The following ATP11C variants were observed in gnomAD, a reference collection of about 807,000 sequenced individuals.
The protein encoded by ATP11C is phospholipid-transporting ATPase IG.
A neutral mutation model predicts 97.4 loss-of-function variants in ATP11C; 36 were observed. The ratio of observed to expected loss-of-function variants is 0.37; its 90% CI spans 0.28 to 0.49. ATP11C has a LOEUF of 0.49. Among genes scored for constraint, ATP11C ranks in the 20% least tolerant of loss-of-function variants. The pLI is 0.98. For synonymous variants in ATP11C, 275 were observed against 290.9 expected (o/e 0.95, Z 0.56); for missense variants, 730 against 824.6 (o/e 0.89, Z 1.40).
intron 25 of ATP11C, among the ~76,000 whole-genome samples, chrX:139,744,045 T>C (rs1038229598): frequency 9.0e-6 from 1 of 111,386 alleles, no homozygotes; most frequent in African/African-American, 3.3e-5. Context: ...TATAGACAAA[T>C]GGATTCACAT....
At chrX:139,814,728 T>C (rs756134887) in intron 5 of ATP11C, 150 bp downstream of exon 5, 3 of 364,670 alleles carry the variant, frequency 8.2e-6, no homozygotes, top group African/African-American at 8.1e-5. Context: ...CTTATGGGTA[T>C]AGGGTTTCCT....
intron 1 of ATP11C, among the ~76,000 whole-genome samples, chrX:139,859,765 T>A (rs907024919): frequency 2.7e-5 from 3 of 112,060 alleles, no homozygotes; most frequent in Non-Finnish European, 3.8e-5. Flanking sequence ...GCCAGAAGGG[T>A]ATATAAATGC....
At chrX:139,814,244 C>CAA (rs1358800038) in intron 5 of ATP11C, among the ~76,000 whole-genome samples, 30 of 102,681 alleles carry the variant, frequency 2.9e-4, no homozygotes, top group Admixed American at 2.8e-3. Context: ...CTGAGATTGT[C>CAA]AAAAAAAAAA....
At chrX:139,807,336 AC>A (rs2083066591) in intron 5 of ATP11C, among the ~76,000 whole-genome samples, 1 of 111,233 alleles carries the variant, frequency 9.0e-6, no homozygotes, top group South Asian at 3.8e-4. Flanking sequence ...GCATTCTACC[AC>A]TTAAGGAATT....
chrX:139,935,886 A>G (rs372885459), upstream of ATP11C, among the ~76,000 whole-genome samples: 305 of 110,356 alleles, frequency 2.8e-3, 2 homozygotes, highest in Middle Eastern at 9.4e-3. Flanking sequence ...GCTACTCGGG[A>G]TCGGGAGGCT....
At chrX:139,822,155 T>C (rs1193687264) in intron 2 of ATP11C, among the ~76,000 whole-genome samples, 1 of 112,279 alleles carries the variant, frequency 8.9e-6, no homozygotes, top group South Asian at 3.6e-4. Flanking sequence ...GAGAATTCAG[T>C]TTTTGTTACA....
intron 23 of ATP11C, among the ~76,000 whole-genome samples, chrX:139,754,722 C>T (rs1187667132): frequency 1.8e-5 from 2 of 112,272 alleles, no homozygotes; most frequent in East Asian, 5.6e-4. Context: ...TGTGATTTAT[C>T]ACATAAACAG....
intron 1 of ATP11C, among the ~76,000 whole-genome samples, chrX:139,902,679 C>G (rs973868948): frequency 4.5e-5 from 5 of 111,256 alleles, no homozygotes; most frequent in African/African-American, 1.6e-4. Flanking sequence ...TTGGGGCTAA[C>G]TGTGATTGCA....
chrX:139,926,138 G>GAAAGGAAAT (rs2085348395), intron 1 of ATP11C, among the ~76,000 whole-genome samples: 1 of 110,633 alleles, frequency 9.0e-6, no homozygotes, highest in Non-Finnish European at 1.9e-5. Flanking sequence ...AATGTTAAGT[G>GAAAGGAAAT]AAAGGAAATA....
chrX:139,900,367 C>CAA (rs34007097), intron 1 of ATP11C, among the ~76,000 whole-genome samples: 633 of 35,791 alleles, frequency 0.018, 27 homozygotes, highest in African/African-American at 0.039. Context: ...GACTCCGTCT[C>CAA]AAAAAAAAAA....
At chrX:139,916,176 C>T (rs1278386405) in intron 1 of ATP11C, among the ~76,000 whole-genome samples, 1 of 106,692 alleles carries the variant, frequency 9.4e-6, no homozygotes, top group Non-Finnish European at 1.9e-5. Context: ...TTGCAGTGAG[C>T]CGAGATCACA....
At chrX:139,870,480 T>G (rs185312038) in intron 1 of ATP11C, among the ~76,000 whole-genome samples, 19 of 112,443 alleles carry the variant, frequency 1.7e-4, no homozygotes, top group Admixed American at 6.6e-4. Context: ...CAATTTTTCT[T>G]TAAAAAAGTT....
chrX:139,891,514 A>G (rs1274973599), intron 1 of ATP11C, among the ~76,000 whole-genome samples: 1 of 111,881 alleles, frequency 8.9e-6, no homozygotes, highest in Non-Finnish European at 1.9e-5. Context: ...ATCTCTAGCT[A>G]GCCATCATGA....
chrX:139,896,618 A>T (rs1217687157), intron 1 of ATP11C, among the ~76,000 whole-genome samples: 1 of 89,669 alleles, frequency 1.1e-5, no homozygotes, highest in Non-Finnish European at 2.1e-5. Context: ...CTTGAGAAAG[A>T]GTCTCTCTCT....
intron 18 of ATP11C, among the ~76,000 whole-genome samples, chrX:139,776,109 G>A (rs1165877095): frequency 3.6e-5 from 4 of 112,239 alleles, no homozygotes; most frequent in Admixed American, 9.3e-5. Flanking sequence ...TAGCACTGAG[G>A]GCCAGGAACA....
chrX:139,919,208 ACTCCAGCCGGGGC>A (rs1168772731), intron 1 of ATP11C, among the ~76,000 whole-genome samples: 8 of 110,217 alleles, frequency 7.3e-5, no homozygotes, highest in African/African-American at 2.6e-4. Context: ...ACACCACTGC[ACTCCAGCCGGGGC>A]GACAGAGCAA....
At chrX:139,806,400 AC>A (rs756855944) in intron 5 of ATP11C, among the ~76,000 whole-genome samples, 4 of 111,825 alleles carry the variant, frequency 3.6e-5, no homozygotes, top group Non-Finnish European at 7.5e-5. Flanking sequence ...AAAAACAAAT[AC>A]GTATTTTTTA....
chrX:139,782,954 C>G (rs1250557707), intron 17 of ATP11C, among the ~76,000 whole-genome samples: 4 of 111,784 alleles, frequency 3.6e-5, no homozygotes, highest in African/African-American at 1.3e-4. Flanking sequence ...TCTTTTAAGG[C>G]TGCAAATTCT....
chrX:139,869,178 T>C (rs183880905), intron 1 of ATP11C, among the ~76,000 whole-genome samples: 259 of 112,220 alleles, frequency 2.3e-3, no homozygotes, highest in Middle Eastern at 4.6e-3. Context: ...TCCATATTCA[T>C]TGAAGCAGTA....
Sources: allele counts gnomAD v4.1 joint callset (sites outside exome capture counted in the v4.1 genomes callset), GRCh38; gene constraint gnomAD v4.1.1; transcripts MANE v1.5; gene names NCBI Gene and HGNC (gene_info 2026-07-23, HGNC 2026-07-21).